Variants in WDR33 observed in about 807,000 individuals in gnomAD.
WDR33 encodes the protein WD repeat domain 33, also known as pre-mRNA 3' end processing protein WDR33.
WDR33 carries 47 observed loss-of-function variants against 164.9 expected under a neutral mutation model. The ratio of observed to expected loss-of-function variants is 0.29; its 90% CI spans 0.23 to 0.36. The LOEUF (loss-of-function observed/expected upper bound fraction) is 0.36. Ranked by LOEUF, WDR33 falls within the 10% of genes least tolerant of loss-of-function variation. The pLI is 1.00. For synonymous variants in WDR33, 505 were observed against 589.0 expected (o/e 0.86, Z 2.06); for missense variants, 1,137 against 1,754.1 (o/e 0.65, Z 6.28).
At chr2:127,790,846 T>C (rs889055905) in intron 1 of WDR33, among the ~76,000 whole-genome samples, 1 of 152,202 alleles carries the variant, frequency 6.6e-6, no homozygotes, top group African/African-American at 2.4e-5. Context: ...TTTTAGTTTG[T>C]GTCTTTGAAG....
Position 127,708,984 on chromosome 2 carries a change from G to A in WDR33, c.3566-92C>T. The A allele has an allele frequency of 7.5e-7, 1 of 1,335,586 alleles. No individual in the cohort carries two copies. Among genetic ancestry groups the A allele is most frequent in the Non-Finnish European group, 9.9e-7 (1 of 1,013,022 alleles). The allele number at this position is 1,335,586 out of a possible 1,614,324, so 82.7% of individuals were successfully genotyped here. On this transcript the variant is annotated intron_variant, in intron 20 of 21. Coordinates refer to ENST00000322313, the MANE Select transcript of WDR33 (RefSeq NM_018383.5). The surrounding 1 kb of genome is among the most constrained non-coding windows in gnomAD (Gnocchi z 6.7). ...TGTGAGAGTAAGGAGCAACTCGAGA[G>A]CCACCGTTCACTCATGCTGAATGCC...
intron 1 of WDR33, among the ~76,000 whole-genome samples, chr2:127,787,012 C>A (rs1262400734): frequency 8.8e-6 from 1 of 113,092 alleles, no homozygotes; most frequent in African/African-American, 3.5e-5. Flanking sequence ...CGGCCTTCCG[C>A]AGTGTTTGTG....
intron 8 of WDR33, among the ~76,000 whole-genome samples, chr2:127,725,644 G>A (rs531762951): frequency 6.6e-6 from 1 of 152,124 alleles, no homozygotes; most frequent in Admixed American, 6.5e-5. Flanking sequence ...TGAGGCAGGA[G>A]AATCACTTGA....
At chr2:127,760,782 T>A (rs970586890) in intron 7 of WDR33, among the ~76,000 whole-genome samples, 3 of 152,174 alleles carry the variant, frequency 2.0e-5, no homozygotes, top group African/African-American at 2.4e-5. Context: ...AGAATTTTTT[T>A]AAAAAGAATC....
chr2:127,734,062 T>C (rs562916102), intron 7 of WDR33, among the ~76,000 whole-genome samples: 14 of 152,328 alleles, frequency 9.2e-5, no homozygotes, highest in African/African-American at 3.4e-4. Context: ...TTCTCAACTG[T>C]AACTGAAGAG....
chr2:127,709,812 G>C lies in WDR33; in HGVS notation c.3353C>G (p.Pro1118Arg), dbSNP rs758490784. 16 of 1,614,010 alleles carry C rather than the reference G, an allele frequency of 9.9e-6. No individual in the cohort carries two copies. The highest frequency in any genetic ancestry group is 2.2e-5 in the South Asian group (2 of 91,082). The part of the protein sequence containing the change: ...APPRHEGRAP[P>R]RGRDGFPGPE... ...ACCAGGAAAACCATCCCTTCCTCTG[G>C]GGGGAGCACGGCCCTCATGCCTCGG... Residue 1118 changes from proline to arginine, a missense_variant, in exon 19 of 22, where the codon CCC becomes CGC. By Grantham distance (103) the Pro-to-Arg change is moderately radical. Transcript: ENST00000322313. This position sits in a 1 kb window ranked among gnomAD's most constrained non-coding sequence, Gnocchi z 5.0.
Position 127,763,018 on chromosome 2 carries a change from C to T in WDR33, c.724+44G>A. The T allele has an allele frequency of 6.2e-7, 1 of 1,612,874 alleles. No individual in the cohort carries two copies. The highest frequency in any genetic ancestry group is 8.5e-7 in the Non-Finnish European group (1 of 1,179,236). On this transcript the variant is annotated intron_variant, in intron 7 of 21. Transcript: ENST00000322313. This position sits in a 1 kb window ranked among gnomAD's most constrained non-coding sequence, Gnocchi z 4.5. ...TTTGTGATGATTTAACCACAAATGT[C>T]TTCCCTATTTAAATATTCCAATCAG...
At chr2:127,794,668 T>C (rs144047656) in intron 1 of WDR33, among the ~76,000 whole-genome samples, 41 of 151,460 alleles carry the variant, frequency 2.7e-4, no homozygotes, top group Non-Finnish European at 5.3e-4. Context: ...CCCCTGTCTC[T>C]ACTAAAAATA....
At chr2:127,765,140 C>T in intron 5 of WDR33, 34 bp downstream of exon 5, 1 of 1,596,454 alleles carries the variant, frequency 6.3e-7, no homozygotes, top group African/African-American at 1.3e-5. Flanking sequence ...TACAGTACCA[C>T]AGGATGATGA....
Position 127,701,959 on chromosome 2 carries a change from G to T in WDR33, c.*4364C>A. ...CTGCGCTGCGAAGAAGCGCCGTCCC[G>T]GCCCGCGCTGCTCTACATGGCAGCG... On this transcript the variant is annotated 3_prime_UTR_variant, in exon 22 of 22. Transcript: ENST00000322313. 2.1e-6 allele frequency: 3 copies of T among 1,397,460 alleles called. No homozygotes were observed. The highest frequency in any genetic ancestry group is 2.8e-6 in the Non-Finnish European group (3 of 1,082,576). 86.6% of individuals were successfully genotyped at this position (1,397,460 alleles called of 1,614,324 possible). A position where few individuals can be genotyped will look rare whatever the true frequency, so the allele number is the denominator to read the frequency against.
chr2:127,773,020 C>T (rs1441098606), intron 1 of WDR33, among the ~76,000 whole-genome samples: 1 of 151,846 alleles, frequency 6.6e-6, no homozygotes, highest in African/African-American at 2.4e-5. Flanking sequence ...CCTGTAGTCC[C>T]AACTACTCAG....
rs55641967 is a variant in WDR33, at chr2:127,770,692, AAAATAAATAAATAAATAAATAAATAAAT to A, written c.204+58_204+85del. 6.8e-6 allele frequency: 4 copies of A among 588,720 alleles called. 1 individual carries two copies. Among genetic ancestry groups the A allele is most frequent in the East Asian group, 1.0e-4 (2 of 20,016 alleles). The allele number at this position is 588,720 out of a possible 1,614,324, so 36.5% of individuals were successfully genotyped here. On this transcript the variant is annotated intron_variant, in intron 2 of 21. Coordinates refer to ENST00000322313, the MANE Select transcript of WDR33 (RefSeq NM_018383.5). The surrounding 1 kb of genome is among the most constrained non-coding windows in gnomAD (Gnocchi z 4.9). ...GGCAACAAGAAAGAAACTCCATCTC[AAAATAAATAAATAAATAAATAAATAAAT>A]AAATAAATAAATAAATAACCAAAGT...
Position 127,704,588 on chromosome 2 carries a change from G to A in WDR33, c.*1735C>T, listed in dbSNP as rs535623724. The A allele has an allele frequency of 2.2e-4, 36 of 166,932 alleles. No individual in the cohort carries two copies. The South Asian group carries it at 2.5e-3, about 12-fold the overall frequency. The allele number at this position is 166,932 out of a possible 1,614,324, so 10.3% of individuals were successfully genotyped here. A position where few individuals can be genotyped will look rare whatever the true frequency, so the allele number is the denominator to read the frequency against. The stretch of plus-strand genomic sequence containing the variant: ...CCTAATAGCATGTTTATGGTGGAGC[G>A]CTGATTAAATAAGCTGTAATTTCAA... On this transcript the variant is annotated 3_prime_UTR_variant, in exon 22 of 22. Coordinates refer to ENST00000322313, the MANE Select transcript of WDR33 (RefSeq NM_018383.5).
In WDR33 at chr2:127,716,877, T is replaced by C. The variant is rs1022460589; in HGVS notation, c.2869+278A>G. Among the ~76,000 whole-genome samples, 15 of 152,242 alleles carry C rather than the reference T, an allele frequency of 9.9e-5. No homozygotes were observed. The highest frequency in any genetic ancestry group is 3.6e-4 in the African/African-American group (15 of 41,468). ...GCACTCAGTGAGCACAGGAACCACC[T>C]GCATTGCCAACAGATGGGCAAGGCC... On this transcript the variant is annotated intron_variant, in intron 17 of 21. Transcript: ENST00000322313. This position sits in a 1 kb window ranked among gnomAD's most constrained non-coding sequence, Gnocchi z 4.5.
At position 127,794,851 on chromosome 2, in the gene WDR33, A is replaced by G. The variant is rs1414870208; in HGVS notation, c.-24+16161T>C. 3.4e-5 allele frequency among the ~76,000 whole-genome samples: 5 copies of G among 147,628 alleles called. 1 individual carries two copies. The highest frequency in any genetic ancestry group is 5.2e-5 in the African/African-American group (2 of 38,268). ...TCCGTTTCAAAAAAAAAAAAAAAAAAAGAAAGAAAGAAAGAAATACTTTCA... is the reference window on the plus strand; with the variant it reads ...TCCGTTTCAAAAAAAAAAAAAAAAAGAGAAAGAAAGAAAGAAATACTTTCA... On this transcript the variant is annotated intron_variant, in intron 1 of 21. Coordinates refer to ENST00000322313, the MANE Select transcript of WDR33 (RefSeq NM_018383.5).
At chr2:127,736,101 C>A in intron 7 of WDR33, 1 of 985,360 alleles carries the variant, frequency 1.0e-6, no homozygotes, top group Non-Finnish European at 1.2e-6. Flanking sequence ...AGTCTGAGAG[C>A]CTTCAGTCCT....
At position 127,723,395 on chromosome 2, in the gene WDR33, T is replaced by C. The variant is rs769964492; in HGVS notation, c.1197-48A>G. The C allele has an allele frequency of 3.4e-4, 516 of 1,534,054 alleles. No homozygotes were observed. The highest frequency in any genetic ancestry group is 4.4e-4 in the Non-Finnish European group (493 of 1,111,120). ...AAAGAAGCATGGCTTCACTATTTTTTTGGGCACTAAACAGTACTAGGCAGA... is the reference window on the plus strand; with the variant it reads ...AAAGAAGCATGGCTTCACTATTTTTCTGGGCACTAAACAGTACTAGGCAGA... On this transcript the variant is annotated intron_variant, in intron 11 of 21. Transcript: ENST00000322313. The surrounding 1 kb of genome is among the most constrained non-coding windows in gnomAD (Gnocchi z 5.9).
At chr2:127,809,420 C>T (rs1003039897) in intron 1 of WDR33, among the ~76,000 whole-genome samples, 1 of 149,376 alleles carries the variant, frequency 6.7e-6, no homozygotes, top group Non-Finnish European at 1.5e-5. Flanking sequence ...TATATGTAAG[C>T]CAAATTCCTT....
rs1435674225 is a variant in WDR33, at chr2:127,741,663, T to C, written c.725-14886A>G. Among the ~76,000 whole-genome samples the C allele has an allele frequency of 6.6e-6, 1 of 152,210 alleles. No individual in the cohort carries two copies. Among genetic ancestry groups the C allele is most frequent in the Non-Finnish European group, 1.5e-5 (1 of 68,040 alleles). On this transcript the variant is annotated intron_variant, in intron 7 of 21. Transcript: ENST00000322313. This position sits in a 1 kb window ranked among gnomAD's most constrained non-coding sequence, Gnocchi z 4.1. The stretch of plus-strand genomic sequence containing the variant: ...AAATCTCTGGACAACCAAGGGTCAC[T>C]GCGTTATTTGAGAAAAAGCAAGTAC...
Sources: allele counts gnomAD v4.1 joint callset (sites outside exome capture counted in the v4.1 genomes callset), GRCh38; gene constraint gnomAD v4.1.1; non-coding constraint Gnocchi (gnomAD v3.1); transcripts MANE v1.5; gene names NCBI Gene and HGNC (gene_info 2026-07-23, HGNC 2026-07-21).